Variants in TSHZ1 observed in about 807,000 individuals in gnomAD.
TSHZ1 encodes teashirt homolog 1.
Under a neutral mutation model 67.1 loss-of-function variants are expected in TSHZ1, and 12 were observed. The observed-to-expected ratio is 0.18, with a 90% CI of 0.11 to 0.29. The LOEUF is 0.29. Among genes scored for constraint, TSHZ1 ranks in the 10% least tolerant of loss-of-function variants. The probability of loss-of-function intolerance (pLI) is 1.00; values close to 1 mark genes in which losing one functional copy is unlikely to be tolerated. For missense variants in TSHZ1, 1,305 were observed against 1,413.9 expected (o/e 0.92, Z 1.23); for synonymous variants, 632 against 622.4 (o/e 1.02, Z -0.23).
chr18:75,263,993 T>C (rs1165182765), intron 1 of TSHZ1, among the ~76,000 whole-genome samples: 1 of 152,220 alleles, frequency 6.6e-6, no homozygotes, highest in East Asian at 1.9e-4. Context: ...GTCCATCAAT[T>C]CCACCCATTT....
At chr18:75,218,014 A>G (rs1192111431) in intron 1 of TSHZ1, among the ~76,000 whole-genome samples, 1 of 152,196 alleles carries the variant, frequency 6.6e-6, no homozygotes, top group Non-Finnish European at 1.5e-5. Context: ...TTGTGTAATC[A>G]AGCCCTAATG....
At chr18:75,273,764 A>G (rs2023584033) in intron 1 of TSHZ1, among the ~76,000 whole-genome samples, 1 of 152,218 alleles carries the variant, frequency 6.6e-6, no homozygotes, top group Admixed American at 6.5e-5. Flanking sequence ...TCAGGCACAC[A>G]TTGGCATCCA....
chr18:75,240,632 G>C (rs958435738), intron 1 of TSHZ1, among the ~76,000 whole-genome samples: 4 of 152,178 alleles, frequency 2.6e-5, no homozygotes, highest in African/African-American at 7.2e-5. Flanking sequence ...ACAAGTTCCT[G>C]TTTTGACATT....
chr18:75,259,513 G>A (rs1404289407), intron 1 of TSHZ1, among the ~76,000 whole-genome samples: 2 of 152,080 alleles, frequency 1.3e-5, no homozygotes, highest in Non-Finnish European at 2.9e-5. Context: ...GATGCCACTT[G>A]CCCCGGTTAG....
rs150271733 is a variant in TSHZ1, at chr18:75,288,495, G to A, written c.3088G>A (p.Glu1030Lys). The A allele has an allele frequency of 1.2e-5, 19 of 1,614,162 alleles. No individual in the cohort carries two copies. The highest frequency in any genetic ancestry group is 8.9e-5 in the East Asian group (4 of 44,876). Residue 1030 changes from glutamate to lysine, a missense_variant, in exon 2 of 2, where the codon GAG becomes AAG. By Grantham distance (56) the Glu-to-Lys change is moderately conservative. This residue lies in a region of TSHZ1 where 909 missense variants were observed against 961.8 expected (regional missense o/e 0.95). Transcript: ENST00000580243. This position sits in a 1 kb window ranked among gnomAD's most constrained non-coding sequence, Gnocchi z 4.9. ...AACTCTGGGCCCACTGGGGGCCACC[G>A]AGGAAGACTTGGGCTCCACATTCCA... ...NKTLGPLGAT[E>K]EDLGSTFQCK...
chr18:75,226,571 C>CTTT (rs34040466), intron 1 of TSHZ1, among the ~76,000 whole-genome samples: 1 of 141,298 alleles, frequency 7.1e-6, no homozygotes, highest in Non-Finnish European at 1.6e-5. Flanking sequence ...TGTTTTTCAA[C>CTTT]TTTTTTTTTT....
rs1421608833 is a variant in TSHZ1, at chr18:75,287,545, C to G, written c.2138C>G (p.Pro713Arg). 3 of 1,614,220 alleles carry G rather than the reference C, an allele frequency of 1.9e-6. No individual in the cohort carries two copies. The South Asian group carries it at 3.3e-5, about 18-fold the overall frequency. The change falls in exon 2 of 2, where the codon CCA (proline) becomes CGA (arginine). Residue 713 changes from proline to arginine, a missense_variant. Transcript: ENST00000580243. The surrounding 1 kb of genome is among the most constrained non-coding windows in gnomAD (Gnocchi z 5.0). Reference protein sequence around the residue: ...KKEGPLDVHTPNGTEPLKAKV... With the variant: ...KKEGPLDVHTRNGTEPLKAKV... Reference sequence around the variant, plus strand: ...GAGGGACCGCTGGACGTTCACACCCCAAATGGCACAGAGCCTCTCAAAGCA... The same window carrying G: ...GAGGGACCGCTGGACGTTCACACCCGAAATGGCACAGAGCCTCTCAAAGCA...
intron 1 of TSHZ1, among the ~76,000 whole-genome samples, chr18:75,271,404 A>G (rs1009497407): frequency 1.3e-5 from 2 of 152,156 alleles, no homozygotes; most frequent in African/African-American, 4.8e-5. Context: ...TTAGCTGGGA[A>G]ACTTTATCTC....
At chr18:75,221,068 A>G (rs2022839332) in intron 1 of TSHZ1, 1 of 152,164 alleles carries the variant, frequency 6.6e-6, no homozygotes, top group Non-Finnish European at 1.5e-5. Context: ...AGCCCGCGTT[A>G]GCCATCTACA....
intron 1 of TSHZ1, among the ~76,000 whole-genome samples, chr18:75,228,220 G>A (rs1486970029): frequency 6.6e-6 from 1 of 152,216 alleles, no homozygotes; most frequent in Non-Finnish European, 1.5e-5. Context: ...GAGACAGCAT[G>A]CCAGTGGTCC....
At position 75,226,001 on chromosome 18, in the gene TSHZ1, G is replaced by A. The variant is rs372497378; in HGVS notation, c.40+14085G>A. Among the ~76,000 whole-genome samples, 3 of 152,284 alleles carry A rather than the reference G, an allele frequency of 2.0e-5. No homozygotes were observed. The East Asian group carries it at 5.8e-4, about 29-fold the overall frequency. ...TGCTAAGCAATTAGTTTGGAAATTA[G>A]TGCTATCTCTAGGAAAATCCCCTTA... On this transcript the variant is annotated intron_variant, in intron 1 of 1. Coordinates refer to ENST00000580243, the MANE Select transcript of TSHZ1 (RefSeq NM_001308210.2).
At chr18:75,227,683 A>G (rs1174514940) in intron 1 of TSHZ1, among the ~76,000 whole-genome samples, 1 of 152,214 alleles carries the variant, frequency 6.6e-6, no homozygotes, top group Non-Finnish European at 1.5e-5. Context: ...TCCCTACCAC[A>G]CTGAAGTTAT....
chr18:75,235,228 C>T (rs2023052231), intron 1 of TSHZ1, among the ~76,000 whole-genome samples: 1 of 152,142 alleles, frequency 6.6e-6, no homozygotes, highest in Admixed American at 6.5e-5. Context: ...TGACATTAAA[C>T]GTTTAATCCC....
At chr18:75,246,403 G>GGTGTGTGTGTGTGTGTGTGT (rs74178999) in intron 1 of TSHZ1, among the ~76,000 whole-genome samples, 6,739 of 108,280 alleles carry the variant, frequency 0.062, 638 homozygotes, top group Non-Finnish European at 0.071. Context: ...TTTGGTTTCT[G>GGTGTGTGTGTGTGTGTGTGT]GTGTGTGTGT....
intron 1 of TSHZ1, among the ~76,000 whole-genome samples, chr18:75,213,027 G>A (rs1192608312): frequency 6.6e-6 from 1 of 152,186 alleles, no homozygotes; most frequent in Non-Finnish European, 1.5e-5. Context: ...AAACATGAGC[G>A]ACTCTTTAGC....
In TSHZ1 at chr18:75,212,475, C is replaced by T. The variant is rs188579106; in HGVS notation, c.40+559C>T. 2.9e-3 allele frequency among the ~76,000 whole-genome samples: 446 copies of T among 152,156 alleles called. 2 individuals carry two copies. Among genetic ancestry groups the T allele is most frequent in the African/African-American group, 0.01 (428 of 41,488 alleles). On this transcript the variant is annotated intron_variant, in intron 1 of 1. Transcript: ENST00000580243. ...CAGCACAAGGCAGTGATAGTGCAGA[C>T]TCTGATTGAACAGAAAAGTTATTTT... is the stretch of plus-strand genomic sequence containing the variant.
intron 1 of TSHZ1, among the ~76,000 whole-genome samples, chr18:75,267,726 A>G (rs1325880653): frequency 1.3e-5 from 2 of 152,226 alleles, no homozygotes; most frequent in Admixed American, 6.5e-5. Context: ...GTTCTGACAC[A>G]TGCTTGAGTA....
chr18:75,285,703 A>C lies in TSHZ1; in HGVS notation c.296A>C (p.Asp99Ala), dbSNP rs1190450313. 6.2e-7 allele frequency: 1 copy of C among 1,614,076 alleles called. No individual in the cohort carries two copies. Among genetic ancestry groups the C allele is most frequent in the Admixed American group, 1.7e-5 (1 of 60,012 alleles). Reference protein sequence around the residue: ...KGSSSREEKEDPQCPDSVSYP... With the variant: ...KGSSSREEKEAPQCPDSVSYP... ...TCTTCCTCTCGAGAAGAGAAGGAGG[A>C]TCCGCAGTGTCCCGACAGCGTCTCG... Residue 99 changes from aspartate to alanine, a missense_variant, in exon 2 of 2, where the codon GAT (aspartate) becomes GCT (alanine). Coordinates refer to ENST00000580243, the MANE Select transcript of TSHZ1 (RefSeq NM_001308210.2).
intron 1 of TSHZ1, among the ~76,000 whole-genome samples, chr18:75,266,986 T>C (rs2023497392): frequency 6.6e-6 from 1 of 152,246 alleles, no homozygotes; most frequent in Non-Finnish European, 1.5e-5. Context: ...AAATTTCTTT[T>C]ACCCAAACAA....
Sources: allele counts gnomAD v4.1 joint callset (sites outside exome capture counted in the v4.1 genomes callset), GRCh38; gene constraint gnomAD v4.1.1; regional missense constraint gnomAD v4.1.1; non-coding constraint Gnocchi (gnomAD v3.1); transcripts MANE v1.5; gene names NCBI Gene and HGNC (gene_info 2026-07-23, HGNC 2026-07-21).